Variants in SERINC2 observed in about 807,000 individuals in gnomAD.
SERINC2 encodes the protein tumor differentially expressed protein 2.
SERINC2 carries 56 observed loss-of-function variants against 54.2 expected under a neutral mutation model. That is an observed-to-expected ratio of 1.03 (90% CI 0.83 to 1.29). The LOEUF is 1.29. Among genes scored for constraint, SERINC2 ranks in the 50% most tolerant of loss-of-function variants. SERINC2 has a pLI of 0.00. For synonymous variants in SERINC2, 272 were observed against 253.1 expected, an observed-to-expected ratio of 1.07 and a Z score of -0.71; for missense variants, 614 against 607.4, an observed-to-expected ratio of 1.01 and a Z score of -0.12.
At chr1:31,418,613 AAT>A (rs1553132477) in intron 1 of SERINC2, among the ~76,000 whole-genome samples, 3 of 152,086 alleles carry the variant, frequency 2.0e-5, no homozygotes, top group African/African-American at 7.2e-5. Context: ...GATCTCAGGT[AAT>A]CTGCCTGTGT....
At position 31,426,671 on chromosome 1, in the gene SERINC2, C is replaced by G; in HGVS notation, c.628C>G (p.Leu210Val). The G allele has an allele frequency of 6.2e-7, 1 of 1,611,294 alleles. No homozygotes were observed. Among genetic ancestry groups the G allele is most frequent in the African/African-American group, 1.3e-5 (1 of 75,008 alleles). Residue 210 changes from leucine (L) to valine (V), a missense_variant, in exon 6 of 10, where the codon CTC (leucine) becomes GTC (valine). By Grantham distance (32) the Leu-to-Val change is conservative. Transcript: ENST00000373709. ...AWYAGLFFFT[L>V]LFYLLSIAAV... ...TGGCCCAGGCCTCTTCTTCTTCACT[C>G]TCCTCTTCTACTTGCTGTCGATCGC...
At position 31,422,312 on chromosome 1, in the gene SERINC2, C is replaced by A. The variant is rs1357404218; in HGVS notation, c.40-1381C>A. 6.2e-4 allele frequency among the ~76,000 whole-genome samples: 81 copies of A among 130,090 alleles called. 2 individuals are homozygous for A. In the South Asian group the frequency reaches 8.3e-3, roughly 13 times the overall value. 85.3% of individuals were successfully genotyped at this position (130,090 alleles called of 152,430 possible). Reference sequence around the variant, plus strand: ...AGACCCTGTCTCAAAAAAAAAAAAACAAAAAAAGAAGAAAAGAAGAAAACC... The same window carrying A: ...AGACCCTGTCTCAAAAAAAAAAAAAAAAAAAAAGAAGAAAAGAAGAAAACC... On this transcript the variant is annotated intron_variant, in intron 1 of 9. Transcript: ENST00000373709.
chr1:31,426,254 C>T (rs1443745922), intron 5 of SERINC2, among the ~76,000 whole-genome samples: 2 of 152,138 alleles, frequency 1.3e-5, no homozygotes, highest in Non-Finnish European at 2.9e-5. Context: ...ACCCCAGTAG[C>T]AGGGTGAGTC....
rs371194819 is a variant in SERINC2, at chr1:31,431,778, T to C, written c.1014-1189T>C. 8.8e-3 allele frequency among the ~76,000 whole-genome samples: 87 copies of C among 9,916 alleles called. 4 individuals carry two copies. Among genetic ancestry groups the C allele is most frequent in the South Asian group, 0.037 (11 of 300 alleles). The allele number at this position is 9,916 out of a possible 152,430, so 6.5% of individuals were successfully genotyped here. Reference sequence around the variant, plus strand: ...GGGTGGAGAGGGTGGAGAGGGTGAATAGGGTGGATAGGGTGGATAGGGTGG... The same window carrying C: ...GGGTGGAGAGGGTGGAGAGGGTGAACAGGGTGGATAGGGTGGATAGGGTGG... On this transcript the variant is annotated intron_variant, in intron 8 of 9. Transcript: ENST00000373709.
chr1:31,423,677 C>T lies in SERINC2; in HGVS notation c.40-16C>T. 1 of 1,603,068 alleles carries T rather than the reference C, an allele frequency of 6.2e-7. No homozygotes were observed. Among genetic ancestry groups the T allele is most frequent in the Non-Finnish European group, 8.5e-7 (1 of 1,179,222 alleles). ...CGGTGAAGGGGAGAGGGAAGAGTGACAGTGCCCTCCCGCAGGCGTCCTGCC... is the reference window on the plus strand; with the variant it reads ...CGGTGAAGGGGAGAGGGAAGAGTGATAGTGCCCTCCCGCAGGCGTCCTGCC... On this transcript the variant is annotated splice_polypyrimidine_tract_variant and intron_variant, in intron 1 of 9. Transcript: ENST00000373709.
At chr1:31,426,584 C>A in intron 5 of SERINC2, 70 bp from the exon 6 acceptor site, 1 of 1,344,362 alleles carries the variant, frequency 7.4e-7, no homozygotes. Flanking sequence ...CAGGGTCCCT[C>A]GAGGGAGTAG....
intron 2 of SERINC2, 75 bp downstream of exon 2, chr1:31,423,929 G>A: frequency 1.4e-6 from 2 of 1,421,308 alleles, no homozygotes; most frequent in Non-Finnish European, 2.0e-6. Context: ...GCCCAGGCTT[G>A]GGGTCACAGC....
chr1:31,429,659 G>C (rs1226702705), intron 8 of SERINC2, 121 bp downstream of exon 8: 1 of 1,129,164 alleles, frequency 8.9e-7, no homozygotes, highest in African/African-American at 1.6e-5. Flanking sequence ...AATATATCCA[G>C]GTCTTGCATT....
chr1:31,423,566 C>A, intron 1 of SERINC2, 127 bp from the exon 2 acceptor site: 1 of 958,150 alleles, frequency 1.0e-6, no homozygotes, highest in Non-Finnish European at 1.5e-6. Flanking sequence ...GTTCAATGGG[C>A]TGGTGTCTGG....
intron 1 of SERINC2, chr1:31,415,810 G>C: frequency 2.1e-6 from 2 of 965,096 alleles, no homozygotes; most frequent in Non-Finnish European, 2.5e-6. Context: ...TGCATGCATG[G>C]GTCAGTGGGG....
intron 1 of SERINC2, among the ~76,000 whole-genome samples, chr1:31,418,052 T>C (rs12038229): frequency 0.23 from 34,999 of 151,868 alleles, 4,675 homozygotes; most frequent in East Asian, 0.42. Context: ...AGAGATAGGG[T>C]TTCACCATGT....
chr1:31,413,537 G>A lies in SERINC2; in HGVS notation c.39+233G>A, dbSNP rs1640697951. 6.6e-6 allele frequency among the ~76,000 whole-genome samples: 1 copy of A among 151,798 alleles called. No homozygotes were observed. The highest frequency in any genetic ancestry group is 1.5e-5 in the Non-Finnish European group (1 of 67,886). ...CAGGCGCCGGGCAGCTGCGGTCCCG[G>A]CTCGGGTTTCCGCGGGCAGGAGGGG... On this transcript the variant is annotated intron_variant, in intron 1 of 9. Transcript: ENST00000373709. This position sits in a 1 kb window ranked among gnomAD's most constrained non-coding sequence, Gnocchi z 5.0.
chr1:31,426,839 C>T lies in SERINC2; in HGVS notation c.780+16C>T. On this transcript the variant is annotated intron_variant, in intron 6 of 9. Transcript: ENST00000373709. The stretch of plus-strand genomic sequence containing the variant: ...CAAGGTCCAGGTGAGCCTGCCTGAC[C>T]CCCCCTGGCCTGAAGCCCGGCCCCT... 1 of 1,608,218 alleles carries T rather than the reference C, an allele frequency of 6.2e-7. No homozygotes were observed. The highest frequency in any genetic ancestry group is 8.5e-7 in the Non-Finnish European group (1 of 1,175,990).
intron 1 of SERINC2, among the ~76,000 whole-genome samples, chr1:31,415,175 C>T (rs1222994725): frequency 6.6e-6 from 1 of 152,238 alleles, no homozygotes; most frequent in Non-Finnish European, 1.5e-5. Context: ...TTAGGATCAA[C>T]ATCTGATTCC....
upstream of SERINC2, chr1:31,410,194 T>G (rs1425733489): frequency 2.1e-5 from 30 of 1,439,246 alleles, no homozygotes; most frequent in South Asian, 6.1e-5. Context: ...AGCTGCTGAC[T>G]GTGACTGTGC....
chr1:31,411,142 G>A (rs547113523), upstream of SERINC2, among the ~76,000 whole-genome samples: 26 of 152,152 alleles, frequency 1.7e-4, no homozygotes, highest in Admixed American at 2.6e-4. Context: ...AGAGCAGACC[G>A]TTCTTGGGTG....
intron 8 of SERINC2, among the ~76,000 whole-genome samples, chr1:31,432,114 G>C (rs1382927992): frequency 7.9e-6 from 1 of 126,612 alleles, no homozygotes; most frequent in African/African-American, 3.2e-5. Context: ...GGGTGGATAG[G>C]GTGGTTAGGG....
Position 31,434,195 on chromosome 1 carries a change from G to A in SERINC2, c.1364G>A (p.Ser455Asn), listed in dbSNP as rs782624996. ...APLLLRNRDF[S>N] ...CTCCTCCTGCGCAACCGCGACTTCA[G>A]CTGAGGCAGCCTCACAGCCTGCCAT... is the stretch of plus-strand genomic sequence containing the variant. Residue 455 changes from serine (S) to asparagine (N), a missense_variant, in exon 10 of 10, where the codon AGC (serine) becomes AAC (asparagine). Physicochemically the swap from Ser to Asn is conservative, Grantham distance 46. Transcript: ENST00000373709. 33 of 1,612,644 alleles carry A rather than the reference G, an allele frequency of 2.0e-5. No individual in the cohort carries two copies. Among genetic ancestry groups the A allele is most frequent in the Non-Finnish European group, 2.8e-5 (33 of 1,179,740 alleles).
At chr1:31,432,300 CCTT>C (rs369573868) in intron 8 of SERINC2, among the ~76,000 whole-genome samples, 143 of 151,714 alleles carry the variant, frequency 9.4e-4, no homozygotes, top group Middle Eastern at 3.4e-3. Context: ...ATCCAGCTCT[CCTT>C]TTCACTTTTG....
Sources: allele counts gnomAD v4.1 joint callset (sites outside exome capture counted in the v4.1 genomes callset), GRCh38; gene constraint gnomAD v4.1.1; non-coding constraint Gnocchi (gnomAD v3.1); transcripts MANE v1.5; gene names NCBI Gene and HGNC (gene_info 2026-07-23, HGNC 2026-07-21).